Variants in SLC8A1 observed in about 807,000 individuals in gnomAD.
SLC8A1 encodes solute carrier family 8 member A1.
Under a neutral mutation model 68.3 loss-of-function variants are expected in SLC8A1, and 18 were observed. That is an observed-to-expected ratio of 0.26 (90% CI 0.18 to 0.39). SLC8A1 has a LOEUF of 0.39. Ranked by LOEUF, SLC8A1 falls within the 10% of genes least tolerant of loss-of-function variation. The pLI, the probability that SLC8A1 is intolerant of heterozygous loss-of-function variation, is 1.00. For missense variants in SLC8A1, 985 were observed against 1,156.7 expected, an observed-to-expected ratio of 0.85 and a Z score of 2.15; for synonymous variants, 475 against 415.5, an observed-to-expected ratio of 1.14 and a Z score of -1.74.
intron 3 of SLC8A1, among the ~76,000 whole-genome samples, chr2:40,177,319 T>C (rs1273298686): frequency 6.6e-6 from 1 of 152,240 alleles, no homozygotes. Flanking sequence ...TAGGGTCATC[T>C]ACTAATACTA....
At chr2:40,329,206 ATTGAAACCT>A (rs2076164379) in intron 2 of SLC8A1, among the ~76,000 whole-genome samples, 1 of 152,126 alleles carries the variant, frequency 6.6e-6, no homozygotes, top group African/African-American at 2.4e-5. Context: ...TCTCTGGCCC[ATTGAAACCT>A]TACGCAACCG....
chr2:40,250,491 GATACC>G (rs1242598903), intron 2 of SLC8A1: 1 of 151,964 alleles, frequency 6.6e-6, no homozygotes, highest in Non-Finnish European at 1.5e-5. Context: ...TACATGCTCT[GATACC>G]ATGACAGGAA....
intron 2 of SLC8A1, among the ~76,000 whole-genome samples, chr2:40,222,760 T>C (rs1049321030): frequency 7.2e-5 from 11 of 151,982 alleles, no homozygotes; most frequent in African/African-American, 2.7e-4. Flanking sequence ...AATAAACATA[T>C]GAAAAAAAGC....
chr2:40,310,732 C>G (rs1362014520), intron 2 of SLC8A1, among the ~76,000 whole-genome samples: 1 of 152,134 alleles, frequency 6.6e-6, no homozygotes, highest in Admixed American at 6.6e-5. Flanking sequence ...CTTCCTTCAT[C>G]TCCCTCCACT....
At chr2:40,295,660 G>T (rs960558803) in intron 2 of SLC8A1, among the ~76,000 whole-genome samples, 1 of 152,124 alleles carries the variant, frequency 6.6e-6, no homozygotes, top group East Asian at 1.9e-4. Flanking sequence ...TGAGGCACAA[G>T]AAACACCTGT....
chr2:40,449,053 T>C (rs771042428), intron 1 of SLC8A1, among the ~76,000 whole-genome samples: 11 of 151,964 alleles, frequency 7.2e-5, no homozygotes, highest in Non-Finnish European at 1.6e-4. Context: ...TTTATTGCCA[T>C]ATTTTTAGGG....
intron 2 of SLC8A1, among the ~76,000 whole-genome samples, chr2:40,179,879 CT>C (rs1221032324): frequency 6.6e-6 from 1 of 152,110 alleles, no homozygotes; most frequent in Non-Finnish European, 1.5e-5. Context: ...TTAAGTCTTG[CT>C]TTTTGGCTTA....
intron 2 of SLC8A1, among the ~76,000 whole-genome samples, chr2:40,426,216 TA>T (rs1297895226): frequency 6.6e-6 from 1 of 152,008 alleles, no homozygotes; most frequent in African/African-American, 2.4e-5. Context: ...TTGCCATTTC[TA>T]AAATTTCACA....
intron 2 of SLC8A1, among the ~76,000 whole-genome samples, chr2:40,398,805 T>C (rs1370457988): frequency 6.6e-6 from 1 of 152,190 alleles, no homozygotes; most frequent in East Asian, 1.9e-4. Flanking sequence ...GGATGACAGT[T>C]ACAGCTCTTC....
intron 1 of SLC8A1, among the ~76,000 whole-genome samples, chr2:40,446,031 C>A (rs1202158373): frequency 6.6e-6 from 1 of 152,170 alleles, no homozygotes; most frequent in East Asian, 1.9e-4. Flanking sequence ...GCCCTGGGTC[C>A]TGAGCTTTAA....
At chr2:40,373,564 T>G (rs1678846425) in intron 2 of SLC8A1, among the ~76,000 whole-genome samples, 1 of 152,112 alleles carries the variant, frequency 6.6e-6, no homozygotes, top group African/African-American at 2.4e-5. Context: ...TTTCAAGTTT[T>G]TTTACTTACA....
chr2:40,263,923 T>A (rs2065029820), intron 2 of SLC8A1, among the ~76,000 whole-genome samples: 1 of 152,126 alleles, frequency 6.6e-6, no homozygotes, highest in Non-Finnish European at 1.5e-5. Context: ...ACCTACAGAA[T>A]GGCAGAAAAT....
chr2:40,115,998 G>A (rs1175204789), intron 7 of SLC8A1, among the ~76,000 whole-genome samples: 1 of 152,212 alleles, frequency 6.6e-6, no homozygotes, highest in Non-Finnish European at 1.5e-5. Flanking sequence ...ATTGCAAGGT[G>A]CCATGCGGCT....
chr2:40,474,452 T>A (rs989074553), intron 1 of SLC8A1, among the ~76,000 whole-genome samples: 7 of 152,152 alleles, frequency 4.6e-5, no homozygotes, highest in African/African-American at 1.7e-4. Flanking sequence ...CAATTTCTAA[T>A]TTTTTTGACA....
intron 2 of SLC8A1, among the ~76,000 whole-genome samples, chr2:40,358,549 C>G (rs76399990): frequency 0.021 from 3,192 of 152,198 alleles, 46 homozygotes; most frequent in Middle Eastern, 0.068. Context: ...CCAGTCTAAT[C>G]CTATTTATTC....
intron 1 of SLC8A1, among the ~76,000 whole-genome samples, chr2:40,438,085 A>T (rs1187076187): frequency 1.3e-5 from 2 of 152,160 alleles, no homozygotes; most frequent in Non-Finnish European, 2.9e-5. Context: ...GAAATCTCGG[A>T]CTGCTCAGAC....
At chr2:40,388,457 T>G (rs970712216) in intron 2 of SLC8A1, among the ~76,000 whole-genome samples, 1 of 152,146 alleles carries the variant, frequency 6.6e-6, no homozygotes, top group Admixed American at 6.6e-5. Flanking sequence ...AGCATCTCCT[T>G]TGATACTAAC....
At chr2:40,508,053 A>G (rs1706480644) in intron 1 of SLC8A1, among the ~76,000 whole-genome samples, 1 of 152,130 alleles carries the variant, frequency 6.6e-6, no homozygotes, top group African/African-American at 2.4e-5. Context: ...ATAGCTTGCA[A>G]TTGGCAATGG....
At chr2:40,354,535 C>A (rs1356883339) in intron 2 of SLC8A1, among the ~76,000 whole-genome samples, 1 of 152,110 alleles carries the variant, frequency 6.6e-6, no homozygotes, top group East Asian at 1.9e-4. Flanking sequence ...CACAGTCAGT[C>A]TTTAGTTGAT....
Sources: gnomAD v4.1 joint callset for allele counts (sites outside exome capture counted in the v4.1 genomes callset) on GRCh38, gnomAD v4.1.1 for gene constraint, MANE v1.5 for transcripts, NCBI Gene and HGNC (gene_info 2026-07-23, HGNC 2026-07-21) for gene names.